The following AGAP1 variants were observed in gnomAD, a reference collection of about 807,000 sequenced individuals.
The protein encoded by AGAP1 is arf-GAP with GTPase, ANK repeat and PH domain-containing protein 1.
Under a neutral mutation model 105.3 loss-of-function variants are expected in AGAP1, and 29 were observed. The ratio of observed to expected loss-of-function variants is 0.28; its 90% CI spans 0.21 to 0.38. AGAP1 has a LOEUF of 0.38. AGAP1 is among the 10% of genes least tolerant of loss of function. The pLI is 1.00. For synonymous variants in AGAP1, 509 were observed against 485.9 expected (o/e 1.05, Z -0.63); for missense variants, 998 against 1,165.1 (o/e 0.86, Z 2.09).
At chr2:235,781,984 G>A (rs1278992987) in intron 6 of AGAP1, among the ~76,000 whole-genome samples, 2 of 152,186 alleles carry the variant, frequency 1.3e-5, no homozygotes, top group African/African-American at 4.8e-5. Flanking sequence ...GTGACACAAT[G>A]TGGTTCCTTT....
rs1315429711 is a variant in AGAP1, at chr2:236,055,936, A to T, written c.2114+6655A>T. ...CTAGAGCTCAGGGCCCGGATCAGAA[A>T]TATTCTGCTATAAATATTAAGCCAA... On this transcript the variant is annotated intron_variant, in intron 16 of 17. Coordinates refer to ENST00000304032, the MANE Select transcript of AGAP1 (RefSeq NM_001037131.3). The surrounding 1 kb of genome is among the most constrained non-coding windows in gnomAD (Gnocchi z 6.2). Among the ~76,000 whole-genome samples, 3 of 152,220 alleles carry T rather than the reference A, an allele frequency of 2.0e-5. No homozygotes were observed. The highest frequency in any genetic ancestry group is 4.4e-5 in the Non-Finnish European group (3 of 68,032).
In AGAP1 at chr2:236,049,298, A is replaced by C. The variant is rs934002232; in HGVS notation, c.2114+17A>C. 6.2e-7 allele frequency: 1 copy of C among 1,601,504 alleles called. No individual in the cohort carries two copies. The highest frequency in any genetic ancestry group is 1.3e-5 in the African/African-American group (1 of 74,848). On this transcript the variant is annotated intron_variant, in intron 16 of 17. Transcript: ENST00000304032. ...CTCCACAAGGTAGGAACTTTGGAAG[A>C]TGCCTGGCTCCCGACACGTTTGCCA...
At position 235,751,166 on chromosome 2, in the gene AGAP1, T is replaced by C. The variant is rs1172656809; in HGVS notation, c.673+678T>C. 6.6e-6 allele frequency among the ~76,000 whole-genome samples: 1 copy of C among 151,844 alleles called. No homozygotes were observed. The highest frequency in any genetic ancestry group is 2.4e-5 in the African/African-American group (1 of 41,352). ...ACGTCGTCTATGAGAGAGGAGCCTG[T>C]GCAGATGCGTGGGGTGGGCGGGAGA... is the stretch of plus-strand genomic sequence containing the variant. On this transcript the variant is annotated intron_variant, in intron 6 of 17. Coordinates refer to ENST00000304032, the MANE Select transcript of AGAP1 (RefSeq NM_001037131.3). The surrounding 1 kb of genome is among the most constrained non-coding windows in gnomAD (Gnocchi z 5.3).
chr2:235,655,887 C>T lies in AGAP1; in HGVS notation c.164-53292C>T. ...GGGAAGAATCTTTGTTGGAATATGA[C>T]CCTGGGTTTTGTATGGAAAAGGGAG... On this transcript the variant is annotated intron_variant, in intron 1 of 17. Coordinates refer to ENST00000304032, the MANE Select transcript of AGAP1 (RefSeq NM_001037131.3). The surrounding 1 kb of genome is among the most constrained non-coding windows in gnomAD (Gnocchi z 4.3). 6.6e-6 allele frequency among the ~76,000 whole-genome samples: 1 copy of T among 152,120 alleles called. No individual in the cohort carries two copies. Among genetic ancestry groups the T allele is most frequent in the East Asian group, 1.9e-4 (1 of 5,198 alleles).
intron 1 of AGAP1, among the ~76,000 whole-genome samples, chr2:235,648,246 G>A (rs181464446): frequency 1.3e-5 from 2 of 152,204 alleles, no homozygotes; most frequent in East Asian, 3.9e-4. Context: ...CTCAGGGTGG[G>A]CAGTTTGGGT....
At chr2:235,781,261 A>G (rs2149931695) in intron 6 of AGAP1, among the ~76,000 whole-genome samples, 1 of 152,346 alleles carries the variant, frequency 6.6e-6, no homozygotes, top group East Asian at 1.9e-4. Context: ...TTCACTCATC[A>G]GAGCTATATT....
Position 235,989,654 on chromosome 2 carries a change from A to C in AGAP1, c.1645+21031A>C, listed in dbSNP as rs139345478. On this transcript the variant is annotated intron_variant, in intron 13 of 17. Coordinates refer to ENST00000304032, the MANE Select transcript of AGAP1 (RefSeq NM_001037131.3). The surrounding 1 kb of genome is among the most constrained non-coding windows in gnomAD (Gnocchi z 4.4). Reference sequence around the variant, plus strand: ...AGGGGATTAGGAGAGTTCGGGCTGCACCAGCTCCTGGGTGTTGGTTGGAGA... The same window carrying C: ...AGGGGATTAGGAGAGTTCGGGCTGCCCCAGCTCCTGGGTGTTGGTTGGAGA... Among the ~76,000 whole-genome samples the C allele has an allele frequency of 2.9e-3, 444 of 152,302 alleles. 1 individual carries two copies. The highest frequency in any genetic ancestry group is 4.9e-3 in the Non-Finnish European group (331 of 68,022).
At chr2:235,985,436 A>G (rs2055273064) in intron 13 of AGAP1, among the ~76,000 whole-genome samples, 1 of 152,196 alleles carries the variant, frequency 6.6e-6, no homozygotes, top group African/African-American at 2.4e-5. Context: ...TTTGCTTTGC[A>G]GAAGCTCTTT....
intron 12 of AGAP1, among the ~76,000 whole-genome samples, chr2:235,938,768 G>A (rs182377892): frequency 3.3e-5 from 5 of 152,150 alleles, no homozygotes; most frequent in South Asian, 2.1e-4. Context: ...CACATGAAGC[G>A]GAGGGCCGAG....
intron 1 of AGAP1, among the ~76,000 whole-genome samples, chr2:235,687,131 G>A (rs574338972): frequency 6.6e-5 from 10 of 152,238 alleles, no homozygotes; most frequent in East Asian, 1.9e-4. Context: ...CAGTTTCCTC[G>A]TATGTCCAAT....
chr2:235,566,923 A>C lies in AGAP1; in HGVS notation c.163+72074A>C, dbSNP rs1482736117. Among the ~76,000 whole-genome samples the C allele has an allele frequency of 1.3e-5, 2 of 152,214 alleles. No homozygotes were observed. Among genetic ancestry groups the C allele is most frequent in the African/African-American group, 2.4e-5 (1 of 41,454 alleles). On this transcript the variant is annotated intron_variant, in intron 1 of 17. Coordinates refer to ENST00000304032, the MANE Select transcript of AGAP1 (RefSeq NM_001037131.3). The surrounding 1 kb of genome is among the most constrained non-coding windows in gnomAD (Gnocchi z 5.2). Reference sequence around the variant, plus strand: ...CAGAGGATAGAGCAGGATTCCTCCTAGCCTTTTCCGGCCTCTGGTGGCCCC... The same window carrying C: ...CAGAGGATAGAGCAGGATTCCTCCTCGCCTTTTCCGGCCTCTGGTGGCCCC...
At chr2:235,671,376 C>T (rs1948415925) in intron 1 of AGAP1, among the ~76,000 whole-genome samples, 1 of 152,168 alleles carries the variant, frequency 6.6e-6, no homozygotes, top group South Asian at 2.1e-4. Context: ...GGGAGCGGGC[C>T]CTGAGCTGGC....
At chr2:236,066,763 A>C (rs1247007763) in intron 16 of AGAP1, among the ~76,000 whole-genome samples, 1 of 152,180 alleles carries the variant, frequency 6.6e-6, no homozygotes, top group Admixed American at 6.5e-5. Context: ...GTCTATCAAT[A>C]ATATTCCTAT....
rs1440321479 is a variant in AGAP1 at position 235,979,610 on chromosome 2, T to G, written c.1645+10987T>G. On this transcript the variant is annotated intron_variant, in intron 13 of 17. Coordinates refer to ENST00000304032, the MANE Select transcript of AGAP1 (RefSeq NM_001037131.3). This position sits in a 1 kb window ranked among gnomAD's most constrained non-coding sequence, Gnocchi z 4.5. The stretch of plus-strand genomic sequence containing the variant: ...GTGAAAGAACAGGCGCAGCGAACGT[T>G]CCGGCAGGCATTGCCGTGCACGGAC... Among the ~76,000 whole-genome samples the G allele has an allele frequency of 2.0e-5, 3 of 152,146 alleles. No homozygotes were observed. Among genetic ancestry groups the G allele is most frequent in the African/African-American group, 7.2e-5 (3 of 41,436 alleles).
At chr2:235,495,761 G>A (rs932573230) in intron 1 of AGAP1, among the ~76,000 whole-genome samples, 6 of 152,124 alleles carry the variant, frequency 3.9e-5, no homozygotes, top group African/African-American at 9.7e-5. Flanking sequence ...CCTTTGGTCC[G>A]GCCAAGACTC....
rs10177178 is a variant in AGAP1 at position 235,635,067 on chromosome 2, G to A, written c.164-74112G>A. Among the ~76,000 whole-genome samples the A allele has an allele frequency of 0.36, 55,379 of 151,812 alleles. 10,190 individuals are homozygous for A. The highest frequency in any genetic ancestry group is 0.5 in the South Asian group (2,381 of 4,802). On this transcript the variant is annotated intron_variant, in intron 1 of 17. Transcript: ENST00000304032. The surrounding 1 kb of genome is among the most constrained non-coding windows in gnomAD (Gnocchi z 5.3). ...CTGGGACCAGTTTTCCCTCTGAAGC[G>A]TGAATGTTTCCTCTCCAGTTGGGAA... is the stretch of plus-strand genomic sequence containing the variant.
At chr2:235,790,192 G>A (rs976237961) in intron 6 of AGAP1, among the ~76,000 whole-genome samples, 4 of 152,094 alleles carry the variant, frequency 2.6e-5, no homozygotes, top group East Asian at 1.9e-4. Context: ...AAGATGGAAC[G>A]TACATTAAAG....
rs1168526336 is a variant in AGAP1 at position 236,092,008 on chromosome 2, A to G, written c.2115-28184A>G. Among the ~76,000 whole-genome samples the G allele has an allele frequency of 6.6e-6, 1 of 152,236 alleles. No individual in the cohort carries two copies. The highest frequency in any genetic ancestry group is 1.9e-4 in the East Asian group (1 of 5,198). ...TACAGGGAATTACATTGAGTGAAAA[A>G]AAGCCTGTCCCAAAAGATTACGTGC... On this transcript the variant is annotated intron_variant, in intron 16 of 17. Coordinates refer to ENST00000304032, the MANE Select transcript of AGAP1 (RefSeq NM_001037131.3). This position sits in a 1 kb window ranked among gnomAD's most constrained non-coding sequence, Gnocchi z 4.7.
chr2:235,709,173 T>C lies in AGAP1; in HGVS notation c.164-6T>C, dbSNP rs536754318. On this transcript the variant is annotated splice_polypyrimidine_tract_variant and splice_region_variant and intron_variant, in intron 1 of 17. Coordinates refer to ENST00000304032, the MANE Select transcript of AGAP1 (RefSeq NM_001037131.3). ...GTGTCTGACTTTGTGTCCTCCTCTT[T>C]TTCAGATGCCTTCGTGAACAGCCAG... The C allele has an allele frequency of 6.2e-6, 10 of 1,614,098 alleles. No homozygotes were observed. The Admixed American group carries it at 8.3e-5, about 13-fold the overall frequency.
Sources: gnomAD v4.1 joint callset for allele counts (sites outside exome capture counted in the v4.1 genomes callset) on GRCh38, gnomAD v4.1.1 for gene constraint, Gnocchi (gnomAD v3.1) non-coding constraint, MANE v1.5 for transcripts, NCBI Gene and HGNC (gene_info 2026-07-23, HGNC 2026-07-21) for gene names.